RAPGEF2: variants seen among roughly 807,000 people sequenced by gnomAD.
RAPGEF2 encodes the protein Rap guanine nucleotide exchange factor 2, also known as PDZ domain containing guanine nucleotide exchange factor (GEF) 1.
In RAPGEF2, 54 loss-of-function variants were observed where a neutral mutation model predicts 186.7. That is an observed-to-expected ratio of 0.29 (90% confidence interval 0.23 to 0.36). The LOEUF (loss-of-function observed/expected upper bound fraction) is 0.36, where lower values mean the gene tolerates loss of function less well. Ranked by LOEUF, RAPGEF2 falls within the 10% of genes least tolerant of loss-of-function variation. The probability of loss-of-function intolerance (pLI) is 1.00; values close to 1 mark genes in which losing one functional copy is unlikely to be tolerated. For missense variants in RAPGEF2, 1,532 were observed against 2,045.0 expected, an observed-to-expected ratio of 0.75 and a Z score of 4.84; for synonymous variants, 712 against 705.9, an observed-to-expected ratio of 1.01 and a Z score of -0.14.
At chr4:159,350,553 A>C (rs182558422) in intron 26 of RAPGEF2, among the ~76,000 whole-genome samples, 83 of 152,312 alleles carry the variant, frequency 5.4e-4, no homozygotes, top group Admixed American at 3.7e-3. Flanking sequence ...AATTCAGATA[A>C]ATATACAAAG....
chr4:159,136,050 A>ATT (rs1741686337), intron 1 of RAPGEF2, among the ~76,000 whole-genome samples: 1 of 152,246 alleles, frequency 6.6e-6, no homozygotes, highest in Non-Finnish European at 1.5e-5. Context: ...TTGAATCAAT[A>ATT]CCATTAACTG....
At chr4:159,233,738 C>T (rs1752909066) in intron 4 of RAPGEF2, among the ~76,000 whole-genome samples, 1 of 151,810 alleles carries the variant, frequency 6.6e-6, no homozygotes, top group Non-Finnish European at 1.5e-5. Context: ...TAACCAAGTG[C>T]CACCTATTCC....
At chr4:159,311,345 G>A (rs1763930720) in intron 8 of RAPGEF2, among the ~76,000 whole-genome samples, 1 of 152,164 alleles carries the variant, frequency 6.6e-6, no homozygotes, top group African/African-American at 2.4e-5. Context: ...TAAGGAGAGT[G>A]TGGTGTTTAA....
At chr4:159,315,592 C>T (rs1328757038) in intron 9 of RAPGEF2, among the ~76,000 whole-genome samples, 1 of 152,128 alleles carries the variant, frequency 6.6e-6, no homozygotes, top group Admixed American at 6.5e-5. Context: ...CCAGGCTGCA[C>T]TGGTATTTAT....
In RAPGEF2 at chr4:159,331,484, A is replaced by G. The variant is rs763580611; in HGVS notation, c.1521A>G (p.Gly507=). ...ATAATCACTTCAATGACTTTGAAGG[A>G]GATCCTGCAATGACTCGATTTTTAG... is the stretch of plus-strand genomic sequence containing the variant. ...WVNNHFNDFE[G]DPAMTRFLEE... is the part of the protein sequence containing the mutation. Residue 507 remains glycine (G), a synonymous_variant, in exon 14 of 30, where the codon GGA becomes GGG. Coordinates refer to ENST00000691494, the MANE Select transcript of RAPGEF2 (RefSeq NM_001394067.2). The G allele has an allele frequency of 2.7e-5, 43 of 1,613,462 alleles. 2 individuals are homozygous for G. In the South Asian group the frequency reaches 4.0e-4, roughly 15 times the overall value.
chr4:159,225,328 A>C (rs1751920981), intron 4 of RAPGEF2, among the ~76,000 whole-genome samples: 1 of 152,218 alleles, frequency 6.6e-6, no homozygotes, highest in Non-Finnish European at 1.5e-5. Context: ...CCTTATATAA[A>C]GTGGATGCCA....
In RAPGEF2 at chr4:159,350,151, C is replaced by T; in HGVS notation, c.3727C>T (p.Gln1243Ter). 6.4e-7 allele frequency: 1 copy of T among 1,563,582 alleles called. No homozygotes were observed. Among genetic ancestry groups the T allele is most frequent in the Non-Finnish European group, 8.7e-7 (1 of 1,153,922 alleles). Residue 1243 changes from glutamine (Q) to a stop codon, truncating the protein, a stop_gained, in exon 26 of 30, where the codon CAA becomes TAA. Coordinates refer to ENST00000691494, the MANE Select transcript of RAPGEF2 (RefSeq NM_001394067.2). LOFTEE classifies it high-confidence loss of function. ...DLPPFGINSP[Q>*]ALKKILSLSE... ...TTCCATTATAGGCATAAACTCTCCA[C>T]AAGCTTTAAAAAAAATTCTTTCTTT...
At chr4:159,211,371 G>A (rs1000771171) in intron 4 of RAPGEF2, among the ~76,000 whole-genome samples, 2 of 151,980 alleles carry the variant, frequency 1.3e-5, no homozygotes, top group Admixed American at 6.6e-5. Context: ...TGTGCTTTTC[G>A]CAAGTAAATA....
chr4:159,261,323 A>C (rs374338944), intron 7 of RAPGEF2, among the ~76,000 whole-genome samples: 1 of 152,084 alleles, frequency 6.6e-6, no homozygotes, highest in African/African-American at 2.4e-5. Flanking sequence ...TGACCTCCCA[A>C]AGTGCTGGGA....
chr4:159,260,132 T>C (rs1756637729), intron 7 of RAPGEF2, among the ~76,000 whole-genome samples: 1 of 151,968 alleles, frequency 6.6e-6, no homozygotes, highest in African/African-American at 2.4e-5. Context: ...GTATTACAGG[T>C]GTGCACCACA....
chr4:159,232,771 T>C (rs1477426260), intron 4 of RAPGEF2, among the ~76,000 whole-genome samples: 1 of 152,214 alleles, frequency 6.6e-6, no homozygotes, highest in African/African-American at 2.4e-5. Flanking sequence ...TTCCAAGTCC[T>C]CCACATTATT....
At chr4:159,260,210 G>A (rs1190304090) in intron 7 of RAPGEF2, among the ~76,000 whole-genome samples, 1 of 151,840 alleles carries the variant, frequency 6.6e-6, no homozygotes, top group Non-Finnish European at 1.5e-5. Flanking sequence ...GAACTCCTAA[G>A]CTCAAGCAAT....
intron 1 of RAPGEF2, among the ~76,000 whole-genome samples, chr4:159,159,894 C>T (rs1320343788): frequency 6.6e-6 from 1 of 152,098 alleles, no homozygotes; most frequent in Non-Finnish European, 1.5e-5. Context: ...GGTGGATGAT[C>T]CTGTGGGGAA....
intron 7 of RAPGEF2, among the ~76,000 whole-genome samples, chr4:159,257,933 T>A (rs1033192167): frequency 2.6e-5 from 4 of 152,190 alleles, no homozygotes; most frequent in South Asian, 2.1e-4. Flanking sequence ...TTCTCGTTTC[T>A]TGTCCTATCC....
At chr4:159,347,019 CT>C (rs746437589) in intron 25 of RAPGEF2, 21 bp downstream of exon 25, 2 of 1,593,214 alleles carry the variant, frequency 1.3e-6, no homozygotes, top group South Asian at 1.1e-5. Flanking sequence ...ACATTCATTT[CT>C]TTTTTTGGTG....
At chr4:159,194,029 G>C (rs1748379351) in intron 3 of RAPGEF2, among the ~76,000 whole-genome samples, 1 of 152,210 alleles carries the variant, frequency 6.6e-6, no homozygotes, top group African/African-American at 2.4e-5. Flanking sequence ...ATAATTGTGA[G>C]AATGTGGCTA....
At chr4:159,221,948 A>G (rs190449113) in intron 4 of RAPGEF2, among the ~76,000 whole-genome samples, 9 of 152,356 alleles carry the variant, frequency 5.9e-5, no homozygotes, top group African/African-American at 2.2e-4. Flanking sequence ...TTCTACTTTA[A>G]ATGTAAAATA....
chr4:159,213,150 A>C (rs957874167), intron 4 of RAPGEF2, among the ~76,000 whole-genome samples: 7 of 152,224 alleles, frequency 4.6e-5, no homozygotes, highest in African/African-American at 1.7e-4. Flanking sequence ...ACCTGCTGAC[A>C]GTTTGCACCG....
intron 17 of RAPGEF2, among the ~76,000 whole-genome samples, chr4:159,335,835 C>CAAAAAAAA (rs778302629): frequency 2.1e-5 from 1 of 48,154 alleles, no homozygotes; most frequent in African/African-American, 7.5e-5. Flanking sequence ...GACTCCGTCT[C>CAAAAAAAA]AAAAAAAAAA....
Sources: allele counts gnomAD v4.1 joint callset (sites outside exome capture counted in the v4.1 genomes callset), GRCh38; gene constraint gnomAD v4.1.1; transcripts MANE v1.5; gene names NCBI Gene and HGNC (gene_info 2026-07-23, HGNC 2026-07-21).